The following MYO18B variants were observed in gnomAD, a reference collection of about 807,000 sequenced individuals.
MYO18B encodes unconventional myosin-XVIIIb.
MYO18B carries 204 observed loss-of-function variants against 273.0 expected under a neutral mutation model. That is an observed-to-expected ratio of 0.75 (90% CI 0.67 to 0.84). The LOEUF (loss-of-function observed/expected upper bound fraction) is 0.84, where lower values mean the gene tolerates loss of function less well. Ranked by LOEUF, MYO18B falls within the 40% of genes least tolerant of loss-of-function variation. MYO18B has a pLI of 0.00. For synonymous variants in MYO18B, 1,330 were observed against 1,305.7 expected, an observed-to-expected ratio of 1.02 and a Z score of -0.40; for missense variants, 3,212 against 3,287.6, an observed-to-expected ratio of 0.98 and a Z score of 0.56.
chr22:25,880,462 T>G (rs976750769), intron 25 of MYO18B, among the ~76,000 whole-genome samples: 11 of 152,140 alleles, frequency 7.2e-5, no homozygotes, highest in African/African-American at 2.2e-4. Context: ...TTCTGAGAGT[T>G]TTTTTTTGAC....
chr22:25,844,525 G>A (rs2146002023), intron 18 of MYO18B, among the ~76,000 whole-genome samples: 1 of 152,334 alleles, frequency 6.6e-6, no homozygotes. Context: ...CTCCCTATGT[G>A]CCTTGGATCA....
chr22:26,027,435 G>T lies in MYO18B; in HGVS notation c.7461G>T (p.Gly2487=), dbSNP rs545198222. The T allele has an allele frequency of 6.2e-7, 1 of 1,613,946 alleles. No homozygotes were observed. The highest frequency in any genetic ancestry group is 1.1e-5 in the South Asian group (1 of 91,076). ...TEEANRSFLS[G]IKTILKKSPE... ...AGGCTAACCGTTCCTTTCTCTCGGGGATCAAGACCATTTTGAAGAAGAGCC... is the reference window on the plus strand; with the variant it reads ...AGGCTAACCGTTCCTTTCTCTCGGGTATCAAGACCATTTTGAAGAAGAGCC... Residue 2487 remains glycine (G), a synonymous_variant, in exon 43 of 44, where the codon GGG becomes GGT. Transcript: ENST00000335473. The surrounding 1 kb of genome is among the most constrained non-coding windows in gnomAD (Gnocchi z 4.1).
chr22:25,864,340 A>G lies in MYO18B; in HGVS notation c.3886-3980A>G, dbSNP rs369634305. On this transcript the variant is annotated intron_variant, in intron 21 of 43. Coordinates refer to ENST00000335473, the MANE Select transcript of MYO18B (RefSeq NM_032608.7). ...CCTGTGGTTGTTGGAAATTTTATCC[A>G]TATTTATCTTGTTTTGGGGGGAGGG... 2.1e-3 allele frequency among the ~76,000 whole-genome samples: 325 copies of G among 152,192 alleles called. 18 individuals are homozygous for G. In the South Asian group the frequency reaches 0.066, roughly 31 times the overall value.
chr22:25,768,600 T>C lies in MYO18B; in HGVS notation c.684T>C (p.Thr228=), dbSNP rs974919560. 6.6e-7 allele frequency: 1 copy of C among 1,526,266 alleles called. No individual in the cohort carries two copies. The highest frequency in any genetic ancestry group is 1.4e-5 in the African/African-American group (1 of 71,638). 94.5% of individuals were successfully genotyped at this position (1,526,266 alleles called of 1,614,324 possible). Residue 228 remains threonine, a synonymous_variant, in exon 4 of 44, where the codon ACT becomes ACC. Transcript: ENST00000335473. ...GTCTTGGGGACCCAGGCCAAGGAAC[T>C]GTGGCACTGAAAAAAGGCGAGGAGG... The part of the protein sequence containing the change: ...TGGLGDPGQG[T]VALKKGEEGQ...
At chr22:25,829,514 T>G (rs551548942) in intron 15 of MYO18B, among the ~76,000 whole-genome samples, 1 of 127,944 alleles carries the variant, frequency 7.8e-6, no homozygotes, top group Non-Finnish European at 1.8e-5. Context: ...CCAGCCCTTC[T>G]TTTTTCATAA....
chr22:26,003,872 T>G (rs1934197543), intron 41 of MYO18B, among the ~76,000 whole-genome samples: 3 of 151,986 alleles, frequency 2.0e-5, no homozygotes, highest in African/African-American at 7.3e-5. Context: ...GAGGGTAGGT[T>G]TTATTAGAAC....
chr22:25,898,217 C>T (rs760329364), intron 28 of MYO18B, 90 bp from the exon 29 acceptor site: 3 of 1,441,278 alleles, frequency 2.1e-6, no homozygotes, highest in Non-Finnish European at 2.8e-6. Flanking sequence ...TCTCATTACA[C>T]ACCTTGGAAA....
intron 39 of MYO18B, among the ~76,000 whole-genome samples, chr22:25,961,400 A>G (rs1390363270): frequency 1.3e-5 from 2 of 152,172 alleles, no homozygotes; most frequent in East Asian, 3.8e-4. Flanking sequence ...CTACTTAAGC[A>G]TAAAGACAGA....
At chr22:25,992,241 AC>A in intron 39 of MYO18B, 121 bp from the exon 40 acceptor site, 1 of 1,229,016 alleles carries the variant, frequency 8.1e-7, no homozygotes, top group Non-Finnish European at 1.1e-6. Context: ...CGGAGAACTT[AC>A]CACTTCATAG....
In MYO18B at chr22:25,997,490, C is replaced by A. The variant is rs368201689; in HGVS notation, c.6287+4997C>A. Among the ~76,000 whole-genome samples, 127 of 152,160 alleles carry A rather than the reference C, an allele frequency of 8.3e-4. 2 individuals are homozygous for A. The highest frequency in any genetic ancestry group is 3.0e-3 in the African/African-American group (126 of 41,502). Reference sequence around the variant, plus strand: ...CCAGGGTGGTTCTTAGGGAGCATTTCCTAATTCTCAGCAGGCCTTGATCCT... The same window carrying A: ...CCAGGGTGGTTCTTAGGGAGCATTTACTAATTCTCAGCAGGCCTTGATCCT... On this transcript the variant is annotated intron_variant, in intron 40 of 43. Transcript: ENST00000335473.
chr22:25,895,229 C>T lies in MYO18B; in HGVS notation c.4617C>T (p.Cys1539=), dbSNP rs368416287. The T allele has an allele frequency of 1.2e-5, 19 of 1,608,636 alleles. No homozygotes were observed. Among genetic ancestry groups the T allele is most frequent in the Non-Finnish European group, 1.4e-5 (17 of 1,177,618 alleles). ...TCCTCAGAAAGCGTCTGCAGCAATG[C>T]GAGGAGAGGCTGGACTCGGAGCTGA... ...NEFLRKRLQQ[C]EERLDSELTA... is the part of the protein sequence containing the mutation. The change falls in exon 28 of 44, where the codon TGC becomes TGT. Residue 1539 remains cysteine (C), a synonymous_variant. Coordinates refer to ENST00000335473, the MANE Select transcript of MYO18B (RefSeq NM_032608.7).
At chr22:26,000,820 T>C (rs1348135287) in intron 40 of MYO18B, among the ~76,000 whole-genome samples, 1 of 152,214 alleles carries the variant, frequency 6.6e-6, no homozygotes, top group African/African-American at 2.4e-5. Context: ...TATTTCATCA[T>C]GAATGAACAA....
In MYO18B at chr22:25,872,026, TAC is replaced by T. The variant is rs1311396042; in HGVS notation, c.3952-2258_3952-2257del. ...GGGACTCACTAGCTTGTGAAATTAA[TAC>T]AGTCATTATTGAAGCAATCTGATAG... On this transcript the variant is annotated intron_variant, in intron 22 of 43. Coordinates refer to ENST00000335473, the MANE Select transcript of MYO18B (RefSeq NM_032608.7). Among the ~76,000 whole-genome samples the T allele has an allele frequency of 4.6e-5, 7 of 152,256 alleles. No individual in the cohort carries two copies. The South Asian group carries it at 1.3e-3, about 27-fold the overall frequency.
chr22:25,987,581 C>T lies in MYO18B; in HGVS notation c.6157-4782C>T, dbSNP rs1460210248. On this transcript the variant is annotated intron_variant, in intron 39 of 43. Transcript: ENST00000335473. ...GCCACTAATAGTCATACAATAGCAC[C>T]ATTCATTTCATCCCCAAACATGTAT... Among the ~76,000 whole-genome samples the T allele has an allele frequency of 6.6e-5, 10 of 152,000 alleles. No individual in the cohort carries two copies. The East Asian group carries it at 1.9e-3, about 29-fold the overall frequency.
chr22:25,903,388 G>A (rs1280213183), intron 30 of MYO18B: 2 of 512,778 alleles, frequency 3.9e-6, no homozygotes, highest in Non-Finnish European at 7.0e-6. Flanking sequence ...CGAACTCTAG[G>A]GACAATTTAT....
intron 33 of MYO18B, among the ~76,000 whole-genome samples, chr22:25,912,005 G>T (rs559887450): frequency 6.6e-6 from 1 of 152,198 alleles, no homozygotes; most frequent in Non-Finnish European, 1.5e-5. Context: ...TGGGTTCGAT[G>T]TCTATTAATT....
chr22:25,913,827 A>G (rs2092208257), intron 33 of MYO18B, among the ~76,000 whole-genome samples: 1 of 152,190 alleles, frequency 6.6e-6, no homozygotes, highest in Non-Finnish European at 1.5e-5. Context: ...CTTTGTTTAT[A>G]ATGTCCTTAG....
intron 39 of MYO18B, among the ~76,000 whole-genome samples, chr22:25,986,836 T>G (rs1284842928): frequency 6.6e-6 from 1 of 152,198 alleles, no homozygotes; most frequent in Non-Finnish European, 1.5e-5. Context: ...TGCCAGATGC[T>G]GGAAATATTT....
chr22:25,991,397 C>G (rs572254382), intron 39 of MYO18B, among the ~76,000 whole-genome samples: 1 of 152,330 alleles, frequency 6.6e-6, no homozygotes, highest in African/African-American at 2.4e-5. Flanking sequence ...CTGGCCTCTA[C>G]CCACCAGATG....
Sources: gnomAD v4.1 joint callset for allele counts (sites outside exome capture counted in the v4.1 genomes callset) on GRCh38, gnomAD v4.1.1 for gene constraint, Gnocchi (gnomAD v3.1) non-coding constraint, MANE v1.5 for transcripts, NCBI Gene and HGNC (gene_info 2026-07-23, HGNC 2026-07-21) for gene names.